The following LIN28B variants were observed in gnomAD, a reference collection of about 807,000 sequenced individuals.
LIN28B encodes lin-28 RNA binding posttranscriptional regulator B.
Under a neutral mutation model 21.9 loss-of-function variants are expected in LIN28B, and 5 were observed. The observed-to-expected ratio is 0.23, with a 90% confidence interval of 0.12 to 0.48. The LOEUF (loss-of-function observed/expected upper bound fraction) is 0.48. LIN28B is among the 20% of genes least tolerant of loss of function. LIN28B has a pLI of 0.98. For synonymous variants in LIN28B, 109 were observed against 111.3 expected (o/e 0.98, Z 0.13); for missense variants, 245 against 310.5 (o/e 0.79, Z 1.58).
chr6:104,949,218 C>A (rs1001459015), intron 2 of LIN28B, among the ~76,000 whole-genome samples: 1 of 152,176 alleles, frequency 6.6e-6, no homozygotes, highest in Non-Finnish European at 1.5e-5. Context: ...TATACTCACA[C>A]ATAAGCCAGA....
At chr6:105,022,069 G>C (rs1388693316) in intron 2 of LIN28B, among the ~76,000 whole-genome samples, 1 of 152,120 alleles carries the variant, frequency 6.6e-6, no homozygotes, top group Admixed American at 6.5e-5. Context: ...TACAACCTAA[G>C]AGCAGAATTG....
At chr6:105,012,921 A>G (rs1449177402) in intron 2 of LIN28B, among the ~76,000 whole-genome samples, 1 of 152,128 alleles carries the variant, frequency 6.6e-6, no homozygotes, top group African/African-American at 2.4e-5. Context: ...CTACCATTTT[A>G]TATTCCTACC....
chr6:105,031,891 A>G (rs1771432406), intron 3 of LIN28B, among the ~76,000 whole-genome samples: 1 of 152,050 alleles, frequency 6.6e-6, no homozygotes, highest in Non-Finnish European at 1.5e-5. Context: ...CAGATTCAGA[A>G]AGTTTATTAC....
intron 3 of LIN28B, among the ~76,000 whole-genome samples, chr6:105,033,512 A>T (rs1004286651): frequency 1.3e-5 from 2 of 152,070 alleles, no homozygotes; most frequent in Non-Finnish European, 2.9e-5. Context: ...TTTAGCGTCC[A>T]CTTACAACTT....
intron 3 of LIN28B, among the ~76,000 whole-genome samples, chr6:105,063,680 G>A (rs2114405101): frequency 6.6e-6 from 1 of 150,872 alleles, no homozygotes; most frequent in East Asian, 1.9e-4. Flanking sequence ...TAATAAAACA[G>A]CGATGATTTC....
chr6:104,943,071 G>A (rs1481143056), intron 2 of LIN28B, among the ~76,000 whole-genome samples: 3 of 152,136 alleles, frequency 2.0e-5, no homozygotes, highest in Non-Finnish European at 4.4e-5. Flanking sequence ...GTTGTGAGGC[G>A]AGGTATGTCA....
intron 2 of LIN28B, among the ~76,000 whole-genome samples, chr6:105,025,338 A>G (rs1771266118): frequency 6.6e-6 from 1 of 152,224 alleles, no homozygotes; most frequent in Non-Finnish European, 1.5e-5. Flanking sequence ...TATTTTTAGT[A>G]TATTTTGAAC....
chr6:105,033,603 C>T (rs571455944), intron 3 of LIN28B, among the ~76,000 whole-genome samples: 60 of 151,858 alleles, frequency 4.0e-4, no homozygotes, highest in African/African-American at 1.1e-3. Context: ...ACATTTCAAA[C>T]GAAATAATTT....
chr6:104,947,142 T>G (rs886942561), intron 2 of LIN28B, among the ~76,000 whole-genome samples: 4 of 152,210 alleles, frequency 2.6e-5, no homozygotes, highest in African/African-American at 7.2e-5. Flanking sequence ...TTTTATTTTT[T>G]GAGACAGAGT....
At chr6:105,070,547 C>A (rs1772310596) in intron 3 of LIN28B, among the ~76,000 whole-genome samples, 1 of 148,670 alleles carries the variant, frequency 6.7e-6, no homozygotes, top group African/African-American at 2.5e-5. Flanking sequence ...AGGAGTTAGA[C>A]ACCAGCTTGG....
intron 3 of LIN28B, among the ~76,000 whole-genome samples, chr6:105,053,206 T>G (rs562011370): frequency 6.6e-6 from 1 of 152,362 alleles, no homozygotes; most frequent in South Asian, 2.1e-4. Context: ...ACATATTCTG[T>G]AAGATTTCCA....
At chr6:105,031,900 AC>A in intron 3 of LIN28B, among the ~76,000 whole-genome samples, 1 of 152,062 alleles carries the variant, frequency 6.6e-6, no homozygotes, top group East Asian at 1.9e-4. Context: ...AAAGTTTATT[AC>A]CCCCAAAAAT....
At chr6:105,015,339 A>G (rs751677169) in intron 2 of LIN28B, among the ~76,000 whole-genome samples, 4 of 152,254 alleles carry the variant, frequency 2.6e-5, no homozygotes, top group Non-Finnish European at 4.4e-5. Context: ...AATATAACAC[A>G]GCTGTAGCCT....
intron 3 of LIN28B, among the ~76,000 whole-genome samples, chr6:105,053,365 C>A (rs1056673820): frequency 2.0e-5 from 3 of 148,398 alleles, no homozygotes; most frequent in Admixed American, 1.4e-4. Flanking sequence ...ATAGTGTAGC[C>A]CAAATCTATG....
intron 2 of LIN28B, among the ~76,000 whole-genome samples, chr6:105,012,342 G>C (rs1333578473): frequency 6.6e-6 from 1 of 150,992 alleles, no homozygotes; most frequent in African/African-American, 2.4e-5. Flanking sequence ...GGTGGCGGGT[G>C]CCTGTAATCC....
intron 2 of LIN28B, among the ~76,000 whole-genome samples, chr6:104,959,440 T>C (rs1298453404): frequency 6.6e-6 from 1 of 152,222 alleles, no homozygotes; most frequent in African/African-American, 2.4e-5. Context: ...CCCTAAGGAA[T>C]ATCATCTTCA....
chr6:104,986,688 T>C (rs556407074), intron 2 of LIN28B, among the ~76,000 whole-genome samples: 3 of 152,324 alleles, frequency 2.0e-5, no homozygotes, highest in African/African-American at 4.8e-5. Context: ...CCAACTAAAA[T>C]AGAGTTGAGA....
At chr6:105,070,592 CCACACACACACACACACA>C (rs752057191) in intron 3 of LIN28B, among the ~76,000 whole-genome samples, 18 of 92,226 alleles carry the variant, frequency 2.0e-4, no homozygotes, top group East Asian at 8.7e-4. Flanking sequence ...ATCAATAAAA[CCACACACACACACACACA>C]CACACACACA....
At chr6:105,010,066 A>G (rs770002830) in intron 2 of LIN28B, among the ~76,000 whole-genome samples, 1 of 152,154 alleles carries the variant, frequency 6.6e-6, no homozygotes, top group Non-Finnish European at 1.5e-5. Context: ...AGCATCCAAT[A>G]TAAGTTCCAT....
Sources: allele counts gnomAD v4.1 joint callset (sites outside exome capture counted in the v4.1 genomes callset), GRCh38; gene constraint gnomAD v4.1.1; transcripts MANE v1.5; gene names NCBI Gene and HGNC (gene_info 2026-07-23, HGNC 2026-07-21).